MAD1L1: variants seen among roughly 807,000 people sequenced by gnomAD.
The protein encoded by MAD1L1 is mitotic arrest deficient 1 like 1.
Under a neutral mutation model 96.9 loss-of-function variants are expected in MAD1L1, and 95 were observed. The observed-to-expected ratio is 0.98, with a 90% CI of 0.83 to 1.16. The LOEUF is 1.16. Among genes scored for constraint, MAD1L1 ranks in the 50% most tolerant of loss-of-function variants. The pLI, the probability that MAD1L1 is intolerant of heterozygous loss-of-function variation, is 0.00. For synonymous variants in MAD1L1, 473 were observed against 396.6 expected (o/e 1.19, Z -2.29); for missense variants, 1,007 against 954.4 (o/e 1.06, Z -0.73).
intron 12 of MAD1L1, among the ~76,000 whole-genome samples, chr7:2,040,191 C>T (rs1783612085): frequency 6.6e-6 from 1 of 152,198 alleles, no homozygotes; most frequent in Admixed American, 6.5e-5. Flanking sequence ...AAGACAAAAG[C>T]TACCAAAACT....
chr7:1,867,074 T>C (rs1583597245), intron 18 of MAD1L1, among the ~76,000 whole-genome samples: 1 of 152,160 alleles, frequency 6.6e-6, no homozygotes, highest in Non-Finnish European at 1.5e-5. Context: ...GGTGAGGGGC[T>C]GAGGTCGGCT....
intron 12 of MAD1L1, among the ~76,000 whole-genome samples, chr7:2,039,438 G>C (rs970320344): frequency 6.6e-6 from 1 of 152,200 alleles, no homozygotes; most frequent in African/African-American, 2.4e-5. Flanking sequence ...AAACCCTCGA[G>C]CTGGTTCCAG....
chr7:2,153,708 T>C (rs1297033479), intron 10 of MAD1L1, among the ~76,000 whole-genome samples: 1 of 152,234 alleles, frequency 6.6e-6, no homozygotes, highest in Non-Finnish European at 1.5e-5. Flanking sequence ...GGGTATTTAC[T>C]CAAAGGAAAT....
At chr7:2,231,944 A>G (rs1394155281) in intron 1 of MAD1L1, among the ~76,000 whole-genome samples, 1 of 152,184 alleles carries the variant, frequency 6.6e-6, no homozygotes, top group African/African-American at 2.4e-5. Flanking sequence ...GACCAGCACT[A>G]TATTTGTAAG....
intron 10 of MAD1L1, among the ~76,000 whole-genome samples, chr7:2,153,851 C>T (rs543441257): frequency 6.6e-6 from 1 of 152,200 alleles, no homozygotes; most frequent in Non-Finnish European, 1.5e-5. Context: ...GAATGCTATC[C>T]GGCCGTAAGA....
chr7:2,015,200 A>G (rs1782481721), intron 12 of MAD1L1, among the ~76,000 whole-genome samples: 2 of 152,248 alleles, frequency 1.3e-5, no homozygotes, highest in African/African-American at 4.8e-5. Flanking sequence ...CTGCGTTCCA[A>G]TGGGACAGGA....
At chr7:1,857,025 A>G (rs1784291806) in intron 18 of MAD1L1, among the ~76,000 whole-genome samples, 1 of 152,096 alleles carries the variant, frequency 6.6e-6, no homozygotes. Flanking sequence ...CCAACCCTCC[A>G]GCAGCACTCG....
intron 8 of MAD1L1, 62 bp from the exon 9 acceptor site, chr7:2,216,061 C>CG: frequency 6.2e-7 from 1 of 1,610,452 alleles, no homozygotes; most frequent in Non-Finnish European, 8.5e-7. Flanking sequence ...GCCAAGAGCC[C>CG]GGGAGCCCTG....
Position 1,918,159 on chromosome 7 carries a change from G to A in MAD1L1, c.1807+18528C>T, listed in dbSNP as rs533602518. 8.5e-4 allele frequency among the ~76,000 whole-genome samples: 129 copies of A among 152,238 alleles called. No individual in the cohort carries two copies. The Middle Eastern group carries it at 0.01, about 12-fold the overall frequency. On this transcript the variant is annotated intron_variant, in intron 17 of 18. Transcript: ENST00000265854. Reference sequence around the variant, plus strand: ...AGCCAGGCCACCTTCCAAATTGACAGAATGCCTCCGAGGCTCTGTGTGACC... The same window carrying A: ...AGCCAGGCCACCTTCCAAATTGACAAAATGCCTCCGAGGCTCTGTGTGACC...
chr7:2,134,753 G>A (rs551284780), intron 11 of MAD1L1, among the ~76,000 whole-genome samples: 1 of 152,254 alleles, frequency 6.6e-6, no homozygotes, highest in East Asian at 1.9e-4. Context: ...TGGATTTGTG[G>A]GGTTCTCAGA....
chr7:2,085,167 G>GT (rs1467909357), intron 11 of MAD1L1, among the ~76,000 whole-genome samples: 1 of 152,154 alleles, frequency 6.6e-6, no homozygotes, highest in Non-Finnish European at 1.5e-5. Flanking sequence ...TCTCAGAACC[G>GT]TAACTCCACG....
intron 18 of MAD1L1, among the ~76,000 whole-genome samples, chr7:1,880,866 C>T (rs907210268): frequency 6.1e-4 from 93 of 152,320 alleles, no homozygotes; most frequent in African/African-American, 2.1e-3. Flanking sequence ...CCATCTTCCC[C>T]GCTGCTCCCT....
At chr7:2,082,779 G>C (rs1470298921) in intron 11 of MAD1L1, among the ~76,000 whole-genome samples, 1 of 152,242 alleles carries the variant, frequency 6.6e-6, no homozygotes, top group Non-Finnish European at 1.5e-5. Flanking sequence ...CATGACAATT[G>C]ATGGAGCCCG....
At chr7:1,904,999 A>C (rs560709266) in intron 17 of MAD1L1, among the ~76,000 whole-genome samples, 265 of 63,596 alleles carry the variant, frequency 4.2e-3, no homozygotes, top group Middle Eastern at 0.012. Context: ...GACGCTCTTG[A>C]GGAACTCATG....
At chr7:1,847,730 T>C (rs921896989) in intron 18 of MAD1L1, 2 of 469,470 alleles carry the variant, frequency 4.3e-6, no homozygotes, top group African/African-American at 4.0e-5. Context: ...CGCTTCGGCG[T>C]CCCTGGGCCC....
intron 18 of MAD1L1, among the ~76,000 whole-genome samples, chr7:1,896,939 T>C (rs1428457572): frequency 6.6e-6 from 1 of 152,266 alleles, no homozygotes; most frequent in Admixed American, 6.5e-5. Context: ...ATTCAAAGTA[T>C]ACAGAATTAT....
chr7:1,819,808 T>C (rs942199603), intron 18 of MAD1L1, among the ~76,000 whole-genome samples: 2 of 151,828 alleles, frequency 1.3e-5, no homozygotes, highest in Non-Finnish European at 2.9e-5. Flanking sequence ...AACCGCAGGA[T>C]GTGGTGGGGC....
chr7:2,029,543 T>A (rs1000917663), intron 12 of MAD1L1, among the ~76,000 whole-genome samples: 3 of 152,196 alleles, frequency 2.0e-5, no homozygotes, highest in African/African-American at 4.8e-5. Flanking sequence ...GTATGTCTGT[T>A]ATGCTCTAAT....
At chr7:1,969,558 T>C (rs1780316936) in intron 15 of MAD1L1, among the ~76,000 whole-genome samples, 1 of 152,136 alleles carries the variant, frequency 6.6e-6, no homozygotes, top group Non-Finnish European at 1.5e-5. Context: ...TGTATCCAAA[T>C]TGGAAAAGAA....
Sources: allele counts gnomAD v4.1 joint callset (sites outside exome capture counted in the v4.1 genomes callset), GRCh38; gene constraint gnomAD v4.1.1; transcripts MANE v1.5; gene names NCBI Gene and HGNC (gene_info 2026-07-23, HGNC 2026-07-21).